Variants in CADPS observed in about 807,000 individuals in gnomAD.
The protein encoded by CADPS is calcium-dependent secretion activator 1.
In CADPS, 57 loss-of-function variants were observed where a neutral mutation model predicts 167.3. The ratio of observed to expected loss-of-function variants is 0.34; its 90% confidence interval spans 0.28 to 0.42. The LOEUF (loss-of-function observed/expected upper bound fraction) is 0.42, where lower values mean the gene tolerates loss of function less well. Ranked by LOEUF, CADPS falls within the 20% of genes least tolerant of loss-of-function variation. CADPS has a pLI of 1.00. For synonymous variants in CADPS, 676 were observed against 635.3 expected, an observed-to-expected ratio of 1.06 and a Z score of -0.96; for missense variants, 1,414 against 1,738.1, an observed-to-expected ratio of 0.81 and a Z score of 3.32.
At chr3:62,516,008 G>A (rs139714099) in intron 16 of CADPS, 51 bp downstream of exon 16, 158 of 1,608,446 alleles carry the variant, frequency 9.8e-5, no homozygotes, top group Non-Finnish European at 1.3e-4. Flanking sequence ...ACTTCCCCAG[G>A]GAGGCATATC....
intron 6 of CADPS, among the ~76,000 whole-genome samples, chr3:62,610,166 T>C (rs1472065877): frequency 4.6e-5 from 7 of 152,108 alleles, no homozygotes; most frequent in African/African-American, 1.7e-4. Flanking sequence ...TGGTTGAATT[T>C]GGAGCCTTTT....
At chr3:62,640,010 A>C (rs1407222344) in intron 6 of CADPS, among the ~76,000 whole-genome samples, 1 of 152,094 alleles carries the variant, frequency 6.6e-6, no homozygotes, top group Non-Finnish European at 1.5e-5. Flanking sequence ...TCATTTGTTC[A>C]TTTGTTTATT....
intron 1 of CADPS, among the ~76,000 whole-genome samples, chr3:62,768,682 C>T (rs2087632929): frequency 6.6e-6 from 1 of 152,020 alleles, no homozygotes; most frequent in Admixed American, 6.6e-5. Context: ...GAAATAAGGG[C>T]TTTTCTTCAG....
intron 3 of CADPS, among the ~76,000 whole-genome samples, chr3:62,735,923 C>G (rs1371590282): frequency 6.6e-6 from 1 of 152,148 alleles, no homozygotes. Context: ...CTCTCCGGGT[C>G]TCTTAGGTTA....
At chr3:62,722,532 G>C (rs1163127967) in intron 3 of CADPS, among the ~76,000 whole-genome samples, 1 of 152,216 alleles carries the variant, frequency 6.6e-6, no homozygotes, top group African/African-American at 2.4e-5. Flanking sequence ...GTGGAGGCTG[G>C]AGCCAGAAAG....
intron 1 of CADPS, among the ~76,000 whole-genome samples, chr3:62,873,854 G>T (rs2083118181): frequency 6.6e-6 from 1 of 152,128 alleles, no homozygotes. Context: ...GACCCGGACG[G>T]AAGGACCAGA....
intron 1 of CADPS, among the ~76,000 whole-genome samples, chr3:62,853,735 C>A (rs1372555901): frequency 6.6e-6 from 1 of 151,894 alleles, no homozygotes; most frequent in Non-Finnish European, 1.5e-5. Flanking sequence ...CTGAGGCAGG[C>A]AGATCACTTG....
At chr3:62,802,243 C>G (rs978944601) in intron 1 of CADPS, among the ~76,000 whole-genome samples, 2 of 152,162 alleles carry the variant, frequency 1.3e-5, no homozygotes, top group African/African-American at 4.8e-5. Flanking sequence ...TGCACACACA[C>G]AAACCTACAT....
chr3:62,816,167 A>T (rs2094601276), intron 1 of CADPS, among the ~76,000 whole-genome samples: 1 of 152,138 alleles, frequency 6.6e-6, no homozygotes, highest in Non-Finnish European at 1.5e-5. Flanking sequence ...GGCCAAAAGG[A>T]AGACAGAATG....
intron 3 of CADPS, among the ~76,000 whole-genome samples, chr3:62,740,155 C>T (rs2079890459): frequency 6.6e-6 from 1 of 152,176 alleles, no homozygotes; most frequent in South Asian, 2.1e-4. Flanking sequence ...GGCTTGGCTC[C>T]AGGTTGTGAG....
At chr3:62,578,187 C>CTT (rs34788967) in intron 8 of CADPS, among the ~76,000 whole-genome samples, 32 of 142,634 alleles carry the variant, frequency 2.2e-4, no homozygotes, top group African/African-American at 3.4e-4. Context: ...CATGCTAACA[C>CTT]TTTTTTTTTT....
At position 62,420,262 on chromosome 3, in the gene CADPS, A is replaced by AACACTT. The variant is rs1372982116; in HGVS notation, c.3778-17083_3778-17078dup. ...ACCCAACAACTCTAACTGGGTTAAG[A>AACACTT]ACACTTTCCAAAGTCCTCTAGACAG... On this transcript the variant is annotated intron_variant, in intron 28 of 29. Transcript: ENST00000383710. The surrounding 1 kb of genome is among the most constrained non-coding windows in gnomAD (Gnocchi z 4.1). 6.6e-6 allele frequency among the ~76,000 whole-genome samples: 1 copy of AACACTT among 152,222 alleles called. No individual in the cohort carries two copies. Among genetic ancestry groups the AACACTT allele is most frequent in the Non-Finnish European group, 1.5e-5 (1 of 68,042 alleles).
intron 1 of CADPS, among the ~76,000 whole-genome samples, chr3:62,777,649 G>A (rs541199902): frequency 3.3e-5 from 5 of 152,122 alleles, no homozygotes; most frequent in Non-Finnish European, 5.9e-5. Flanking sequence ...AGGGGGATAC[G>A]GAGTATACGG....
chr3:62,802,657 A>G (rs920896071), intron 1 of CADPS, among the ~76,000 whole-genome samples: 5 of 152,284 alleles, frequency 3.3e-5, no homozygotes, highest in South Asian at 2.1e-4. Flanking sequence ...TCTACCTTTA[A>G]AATCCCAGGT....
chr3:62,829,723 C>T (rs887732918), intron 1 of CADPS, among the ~76,000 whole-genome samples: 1 of 152,098 alleles, frequency 6.6e-6, no homozygotes, highest in African/African-American at 2.4e-5. Context: ...TTTTGTTGGG[C>T]TATTATTGGC....
At position 62,417,276 on chromosome 3, in the gene CADPS, C is replaced by CTTTTTTT. The variant is rs11353455; in HGVS notation, c.3778-14098_3778-14092dup. ...ACACAATAACTATTTTTCTTTTACT[C>CTTTTTTT]TTTTTTTTTTTTTTTTTTTTTTTTT... On this transcript the variant is annotated intron_variant, in intron 28 of 29. Transcript: ENST00000383710. Among the ~76,000 whole-genome samples, 446 of 64,068 alleles carry CTTTTTTT rather than the reference C, an allele frequency of 7.0e-3. 114 individuals are homozygous for CTTTTTTT. The highest frequency in any genetic ancestry group is 7.7e-3 in the Non-Finnish European group (260 of 33,616). The allele number at this position is 64,068 out of a possible 152,430, so 42.0% of individuals were successfully genotyped here.
rs555617713 is a variant in CADPS, at chr3:62,412,538, C to G, written c.3778-9353G>C. Among the ~76,000 whole-genome samples the G allele has an allele frequency of 1.7e-4, 26 of 152,204 alleles. No individual in the cohort carries two copies. Among genetic ancestry groups the G allele is most frequent in the African/African-American group, 6.0e-4 (25 of 41,546 alleles). On this transcript the variant is annotated intron_variant, in intron 28 of 29. Coordinates refer to ENST00000383710, the MANE Select transcript of CADPS (RefSeq NM_003716.4). This position sits in a 1 kb window ranked among gnomAD's most constrained non-coding sequence, Gnocchi z 4.1. The stretch of plus-strand genomic sequence containing the variant: ...ATTATTTCAACTCCCTTAGGAAGGT[C>G]CCAAATATCTTGATTTTTTATTAAG...
At chr3:62,530,620 A>T in intron 13 of CADPS, 1 of 1,245,310 alleles carries the variant, frequency 8.0e-7, no homozygotes, top group South Asian at 1.4e-5. Flanking sequence ...TAAAGATATT[A>T]CAAACACAAG....
At chr3:62,527,987 G>A (rs890187433) in intron 13 of CADPS, among the ~76,000 whole-genome samples, 2 of 152,160 alleles carry the variant, frequency 1.3e-5, no homozygotes, top group East Asian at 3.9e-4. Flanking sequence ...GTGTTCATAG[G>A]AGACTCTCCC....
Sources: gnomAD v4.1 joint callset for allele counts (sites outside exome capture counted in the v4.1 genomes callset) on GRCh38, gnomAD v4.1.1 for gene constraint, Gnocchi (gnomAD v3.1) non-coding constraint, MANE v1.5 for transcripts, NCBI Gene and HGNC (gene_info 2026-07-23, HGNC 2026-07-21) for gene names.